The following LRP1B variants were observed in gnomAD, a reference collection of about 807,000 sequenced individuals.
LRP1B encodes the protein low-density lipoprotein receptor-related protein 1B.
In LRP1B, 217 loss-of-function variants were observed where a neutral mutation model predicts 556.6. The observed-to-expected ratio is 0.39, with a 90% confidence interval of 0.35 to 0.44. LRP1B has a LOEUF of 0.44. Among genes scored for constraint, LRP1B ranks in the 20% least tolerant of loss-of-function variants. The pLI, the probability that LRP1B is intolerant of heterozygous loss-of-function variation, is 1.00. For synonymous variants in LRP1B, 2,047 were observed against 1,865.8 expected, an observed-to-expected ratio of 1.10 and a Z score of -2.50; for missense variants, 5,053 against 5,620.8, an observed-to-expected ratio of 0.90 and a Z score of 3.23.
chr2:140,529,383 T>G (rs965657761), intron 47 of LRP1B, among the ~76,000 whole-genome samples: 2 of 147,952 alleles, frequency 1.4e-5, no homozygotes, highest in African/African-American at 4.9e-5. Context: ...CTAAGTCAAT[T>G]CTCTCTTCCA....
At position 141,295,562 on chromosome 2, in the gene LRP1B, T is replaced by A. The variant is rs138266869; in HGVS notation, c.344-40921A>T. On this transcript the variant is annotated intron_variant, in intron 3 of 90. Coordinates refer to ENST00000389484, the MANE Select transcript of LRP1B (RefSeq NM_018557.3). ...CTCCTTGACATCTCTTTAGCATTTG[T>A]TTCCTCTGATCACTAACTCTACCTT... is the stretch of plus-strand genomic sequence containing the variant. Among the ~76,000 whole-genome samples the A allele has an allele frequency of 2.1e-3, 327 of 152,248 alleles. 1 individual carries two copies. The highest frequency in any genetic ancestry group is 7.3e-3 in the African/African-American group (303 of 41,548).
intron 66 of LRP1B, among the ~76,000 whole-genome samples, chr2:140,434,749 A>T (rs1686099106): frequency 6.6e-6 from 1 of 152,200 alleles, no homozygotes; most frequent in African/African-American, 2.4e-5. Context: ...TGTTTAGTAT[A>T]CTCAGATCAC....
intron 41 of LRP1B, among the ~76,000 whole-genome samples, chr2:140,624,385 T>A (rs1683576313): frequency 6.6e-6 from 1 of 152,174 alleles, no homozygotes; most frequent in Non-Finnish European, 1.5e-5. Flanking sequence ...CTCACCAGTT[T>A]ACCATGCCAT....
intron 1 of LRP1B, among the ~76,000 whole-genome samples, chr2:141,866,171 A>C (rs1246201859): frequency 1.3e-5 from 2 of 152,160 alleles, no homozygotes; most frequent in Non-Finnish European, 2.9e-5. Flanking sequence ...GCTTACTTTT[A>C]TTTATGAATA....
At chr2:140,509,083 A>AAC (rs61074935) in intron 52 of LRP1B, among the ~76,000 whole-genome samples, 22,028 of 148,652 alleles carry the variant, frequency 0.15, 1,717 homozygotes, top group Middle Eastern at 0.28. Context: ...CACACACACA[A>AAC]ACACACACAC....
chr2:140,815,320 T>C (rs1691075568), intron 31 of LRP1B, among the ~76,000 whole-genome samples: 1 of 151,282 alleles, frequency 6.6e-6, no homozygotes, highest in East Asian at 1.9e-4. Flanking sequence ...TCTTTTTTTT[T>C]CCTGAGAGTT....
At chr2:140,989,458 C>T (rs2105352404) in intron 17 of LRP1B, 74 bp downstream of exon 17, 1 of 1,555,776 alleles carries the variant, frequency 6.4e-7, no homozygotes. Context: ...CAGCTTAGTT[C>T]AAAGCATTTA....
intron 3 of LRP1B, among the ~76,000 whole-genome samples, chr2:141,328,491 G>A (rs1687514073): frequency 6.6e-6 from 1 of 152,122 alleles, no homozygotes; most frequent in African/African-American, 2.4e-5. Flanking sequence ...TAAATTAGTG[G>A]TTTTAGGTTC....
intron 2 of LRP1B, among the ~76,000 whole-genome samples, chr2:141,762,874 C>A (rs900136454): frequency 6.6e-6 from 1 of 152,152 alleles, no homozygotes; most frequent in African/African-American, 2.4e-5. Context: ...ATTTAGTTAC[C>A]AGGTCACATC....
At chr2:140,375,882 G>A (rs1193977009) in intron 68 of LRP1B, among the ~76,000 whole-genome samples, 1 of 150,254 alleles carries the variant, frequency 6.7e-6, no homozygotes, top group Non-Finnish European at 1.5e-5. Flanking sequence ...CTTCTTCTTT[G>A]TTGTTTTGTT....
rs1254138021 is a variant in LRP1B, at chr2:141,301,323, A to G, written c.344-46682T>C. On this transcript the variant is annotated intron_variant, in intron 3 of 90. Coordinates refer to ENST00000389484, the MANE Select transcript of LRP1B (RefSeq NM_018557.3). Reference sequence around the variant, plus strand: ...CTAGTTTTATATCTTGATCTCTTACAAGTTATGGCTATGGTAATACAGTGA... The same window carrying G: ...CTAGTTTTATATCTTGATCTCTTACGAGTTATGGCTATGGTAATACAGTGA... Among the ~76,000 whole-genome samples the G allele has an allele frequency of 2.0e-5, 3 of 152,140 alleles. No individual in the cohort carries two copies. In the South Asian group the frequency reaches 6.2e-4, roughly 32 times the overall value.
At chr2:141,331,516 T>TTC (rs1400821730) in intron 3 of LRP1B, among the ~76,000 whole-genome samples, 8 of 62,124 alleles carry the variant, frequency 1.3e-4, no homozygotes, top group African/African-American at 1.8e-4. Flanking sequence ...CTTTCTTTCT[T>TTC]TCTTTCTCTT....
At chr2:140,489,229 CA>C (rs1179994367) in intron 57 of LRP1B, among the ~76,000 whole-genome samples, 4 of 151,972 alleles carry the variant, frequency 2.6e-5, no homozygotes, top group Admixed American at 2.6e-4. Context: ...TTAAAATGAG[CA>C]ATCTCATTTT....
chr2:140,729,060 A>G (rs1559081236), intron 35 of LRP1B, among the ~76,000 whole-genome samples: 3 of 152,026 alleles, frequency 2.0e-5, no homozygotes, highest in Admixed American at 1.3e-4. Flanking sequence ...GTTTAACATA[A>G]TATTGTCTTT....
In LRP1B at chr2:141,906,546, C is replaced by A. The variant is rs529465498; in HGVS notation, c.83-96145G>T. Among the ~76,000 whole-genome samples the A allele has an allele frequency of 3.3e-5, 5 of 151,984 alleles. No individual in the cohort carries two copies. The South Asian group carries it at 1.0e-3, about 32-fold the overall frequency. Reference sequence around the variant, plus strand: ...AATACTGAATCTGCAAATTTTAATACCTCTGAAGAAGAAACTAAATAGAAA... The same window carrying A: ...AATACTGAATCTGCAAATTTTAATAACTCTGAAGAAGAAACTAAATAGAAA... On this transcript the variant is annotated intron_variant, in intron 1 of 90. Coordinates refer to ENST00000389484, the MANE Select transcript of LRP1B (RefSeq NM_018557.3).
chr2:141,225,045 G>T (rs1428999275), intron 6 of LRP1B, among the ~76,000 whole-genome samples: 1 of 152,034 alleles, frequency 6.6e-6, no homozygotes, highest in Admixed American at 6.6e-5. Flanking sequence ...TAATTTAGTA[G>T]CTCTAGTTAG....
rs573041663 is a variant in LRP1B at position 140,816,582 on chromosome 2, A to C, written c.5210-2776T>G. On this transcript the variant is annotated intron_variant, in intron 31 of 90. Coordinates refer to ENST00000389484, the MANE Select transcript of LRP1B (RefSeq NM_018557.3). ...TAAGATTCACAAAAACAATATTTAA[A>C]GTTTCTATATTAATCTCTCTATATA... 2.6e-5 allele frequency among the ~76,000 whole-genome samples: 4 copies of C among 152,238 alleles called. No homozygotes were observed. The East Asian group carries it at 7.7e-4, about 29-fold the overall frequency.
At chr2:140,745,788 C>T (rs1183978263) in intron 35 of LRP1B, among the ~76,000 whole-genome samples, 1 of 152,106 alleles carries the variant, frequency 6.6e-6, no homozygotes. Context: ...TTCACAGTGA[C>T]TATATATTTA....
intron 2 of LRP1B, among the ~76,000 whole-genome samples, chr2:141,616,893 T>G (rs1301538075): frequency 6.6e-6 from 1 of 152,214 alleles, no homozygotes. Context: ...AACTCTCTAA[T>G]TTTTCTGCCT....
Sources: allele counts gnomAD v4.1 joint callset (sites outside exome capture counted in the v4.1 genomes callset), GRCh38; gene constraint gnomAD v4.1.1; transcripts MANE v1.5; gene names NCBI Gene and HGNC (gene_info 2026-07-23, HGNC 2026-07-21).